DCC: variants seen among roughly 807,000 people sequenced by gnomAD.
DCC encodes DCC netrin 1 receptor.
In DCC, 58 loss-of-function variants were observed where a neutral mutation model predicts 172.5. That is an observed-to-expected ratio of 0.34 (90% CI 0.27 to 0.42). The LOEUF is 0.42. DCC is among the 10% of genes least tolerant of loss of function. The pLI is 1.00. For synonymous variants in DCC, 709 were observed against 644.5 expected (o/e 1.10, Z -1.52); for missense variants, 1,740 against 1,791.0 (o/e 0.97, Z 0.51).
chr18:52,977,651 C>T (rs535857281), intron 5 of DCC, among the ~76,000 whole-genome samples: 5 of 151,898 alleles, frequency 3.3e-5, no homozygotes, highest in South Asian at 2.1e-4. Context: ...TTTGGGAGGC[C>T]GAGGCGGGTG....
chr18:53,373,398 C>T (rs181821238), intron 15 of DCC, among the ~76,000 whole-genome samples: 17 of 152,134 alleles, frequency 1.1e-4, no homozygotes, highest in East Asian at 5.8e-4. Context: ...TCTACTCCCC[C>T]GAAATAATCC....
intron 21 of DCC, among the ~76,000 whole-genome samples, chr18:53,429,054 T>TTTTTTATATAA (rs1911395787): frequency 2.8e-5 from 1 of 35,166 alleles, no homozygotes; most frequent in Non-Finnish European, 8.0e-5. Context: ...ATATAATATA[T>TTTTTTATATAA]TATATATTTT....
At chr18:52,863,471 C>T (rs1870366637) in intron 2 of DCC, among the ~76,000 whole-genome samples, 1 of 151,662 alleles carries the variant, frequency 6.6e-6, no homozygotes, top group Non-Finnish European at 1.5e-5. Flanking sequence ...TACTAGCAGA[C>T]CTACATAACT....
chr18:53,513,230 G>C (rs560041958), intron 27 of DCC, among the ~76,000 whole-genome samples: 1 of 152,272 alleles, frequency 6.6e-6, no homozygotes, highest in Non-Finnish European at 1.5e-5. Flanking sequence ...AAGTGAAGGA[G>C]AAATAAAATA....
chr18:53,462,954 C>T (rs2145174268), intron 24 of DCC, among the ~76,000 whole-genome samples: 1 of 152,378 alleles, frequency 6.6e-6, no homozygotes, highest in Non-Finnish European at 1.5e-5. Flanking sequence ...CTCAACCTTG[C>T]TCTCTTCAAT....
chr18:52,986,409 T>TA (rs1223939072), intron 5 of DCC, among the ~76,000 whole-genome samples: 1 of 152,216 alleles, frequency 6.6e-6, no homozygotes, highest in Admixed American at 6.5e-5. Context: ...CCTCACTTTC[T>TA]ATATTTACTT....
At chr18:53,073,001 C>T (rs2144111584) in intron 7 of DCC, among the ~76,000 whole-genome samples, 1 of 152,322 alleles carries the variant, frequency 6.6e-6, no homozygotes, top group African/African-American at 2.4e-5. Context: ...ACACATATCA[C>T]ATCTACCACA....
At chr18:52,894,986 C>CACAG (rs2039707286) in intron 2 of DCC, among the ~76,000 whole-genome samples, 1 of 152,184 alleles carries the variant, frequency 6.6e-6, no homozygotes, top group South Asian at 2.1e-4. Context: ...TTAGTCACCA[C>CACAG]ACTGACTGAC....
chr18:52,837,444 C>T (rs1420217458), intron 2 of DCC, among the ~76,000 whole-genome samples: 2 of 152,192 alleles, frequency 1.3e-5, no homozygotes, highest in African/African-American at 2.4e-5. Context: ...CTAAAATCAT[C>T]TCTCTCAAGT....
intron 1 of DCC, among the ~76,000 whole-genome samples, chr18:52,667,072 GT>G (rs1464806683): frequency 6.6e-6 from 1 of 152,138 alleles, no homozygotes; most frequent in East Asian, 1.9e-4. Flanking sequence ...AGGGATTACA[GT>G]TACAAGGGAG....
chr18:53,296,493 A>G (rs886243584), intron 12 of DCC, among the ~76,000 whole-genome samples: 10 of 152,198 alleles, frequency 6.6e-5, no homozygotes, highest in Non-Finnish European at 1.5e-4. Context: ...CTGAAGGCTT[A>G]TGTTGCAAAT....
Position 53,342,892 on chromosome 18 carries a change from G to T in DCC, c.2359+2985G>T, listed in dbSNP as rs148819575. ...ATATATATTTGAATTATTTTAAATA[G>T]AACTGTTTTTAAAATTTATTTTAAA... On this transcript the variant is annotated intron_variant, in intron 15 of 28. Transcript: ENST00000442544. Among the ~76,000 whole-genome samples the T allele has an allele frequency of 3.5e-3, 439 of 124,914 alleles. 1 individual carries two copies. The highest frequency in any genetic ancestry group is 5.7e-3 in the Non-Finnish European group (315 of 55,208). The allele number at this position is 124,914 out of a possible 152,430, so 81.9% of individuals were successfully genotyped here.
chr18:53,318,726 C>T (rs2057372324), intron 13 of DCC, among the ~76,000 whole-genome samples: 1 of 148,168 alleles, frequency 6.7e-6, no homozygotes, highest in Non-Finnish European at 1.5e-5. Context: ...ATCACTTTAC[C>T]ATTATATAAT....
chr18:52,882,351 C>A (rs1317046687), intron 2 of DCC, among the ~76,000 whole-genome samples: 1 of 151,462 alleles, frequency 6.6e-6, no homozygotes, highest in East Asian at 2.0e-4. Context: ...CTTGCCTTTT[C>A]TTTTTTAGTT....
chr18:53,120,553 CTGTT>C (rs1238939270), intron 7 of DCC, among the ~76,000 whole-genome samples: 1 of 151,660 alleles, frequency 6.6e-6, no homozygotes, highest in Non-Finnish European at 1.5e-5. Context: ...CTGAACAAAA[CTGTT>C]TGAATTTACA....
rs139713025 is a variant in DCC, at chr18:53,305,634, C to T, written c.1968C>T (p.Thr656=). 1.5e-5 allele frequency: 25 copies of T among 1,613,486 alleles called. No individual in the cohort carries two copies. The highest frequency in any genetic ancestry group is 6.7e-5 in the African/African-American group (5 of 75,002). The change falls in exon 13 of 29, where the codon ACC becomes ACT. Residue 656 remains threonine (T), a synonymous_variant. Coordinates refer to ENST00000442544, the MANE Select transcript of DCC (RefSeq NM_005215.4). ...CAGGAACACAAAATGGATTTATTAC[C>T]GGCTATAAAATTCGACACAGAAAGA... ...PPSGTQNGFI[T]GYKIRHRKTT...
chr18:53,162,298 C>CAAAAAAAAAAAAAAAAAAAAAA (rs59626358), intron 8 of DCC, among the ~76,000 whole-genome samples: 8 of 114,778 alleles, frequency 7.0e-5, no homozygotes, highest in African/African-American at 2.6e-4. Flanking sequence ...GACTCTGCCT[C>CAAAAAAAAAAAAAAAAAAAAAA]AAAAAAAAAA....
In DCC at chr18:53,004,925, G is replaced by A. The variant is rs143683331; in HGVS notation, c.986-58380G>A. Among the ~76,000 whole-genome samples, 221 of 152,280 alleles carry A rather than the reference G, an allele frequency of 1.5e-3. 1 individual carries two copies. Among genetic ancestry groups the A allele is most frequent in the African/African-American group, 5.0e-3 (208 of 41,548 alleles). On this transcript the variant is annotated intron_variant, in intron 5 of 28. Transcript: ENST00000442544. The stretch of plus-strand genomic sequence containing the variant: ...CCAATGCACCAGTGTTGACAGGTGG[G>A]GCCTAGTAAGAAGTGATTAGGTCAT...
intron 2 of DCC, among the ~76,000 whole-genome samples, chr18:52,888,109 C>T (rs1377719311): frequency 6.6e-6 from 1 of 152,154 alleles, no homozygotes; most frequent in Non-Finnish European, 1.5e-5. Context: ...ATTGAAAATA[C>T]TTTTTCATCT....
Sources: allele counts gnomAD v4.1 joint callset (sites outside exome capture counted in the v4.1 genomes callset), GRCh38; gene constraint gnomAD v4.1.1; transcripts MANE v1.5; gene names NCBI Gene and HGNC (gene_info 2026-07-23, HGNC 2026-07-21).